CHCHD3: variants seen among roughly 807,000 people sequenced by gnomAD.
The protein encoded by CHCHD3 is coiled-coil-helix-coiled-coil-helix domain containing 3.
CHCHD3 carries 20 observed loss-of-function variants against 38.2 expected under a neutral mutation model. The observed-to-expected ratio is 0.52, with a 90% confidence interval of 0.37 to 0.76. The LOEUF is 0.76. Ranked by LOEUF, CHCHD3 falls within the 30% of genes least tolerant of loss-of-function variation. CHCHD3 has a pLI of 0.00. For missense variants in CHCHD3, 245 were observed against 279.2 expected (o/e 0.88, Z 0.87); for synonymous variants, 82 against 100.0 (o/e 0.82, Z 1.07).
rs953451991 is a variant in CHCHD3, at chr7:132,910,891, G to A, written c.370-25146C>T. Among the ~76,000 whole-genome samples the A allele has an allele frequency of 5.3e-5, 8 of 152,226 alleles. No individual in the cohort carries two copies. In the South Asian group the frequency reaches 8.3e-4, roughly 16 times the overall value. ...CACTACGTAAGCATTACCAATCAAC[G>A]GGAGCTGGCTGACAGTTTGCCACAG... On this transcript the variant is annotated intron_variant, in intron 4 of 7. Transcript: ENST00000262570.
At chr7:132,967,555 C>T (rs1309166539) in intron 4 of CHCHD3, among the ~76,000 whole-genome samples, 1 of 151,826 alleles carries the variant, frequency 6.6e-6, no homozygotes, top group Non-Finnish European at 1.5e-5. Context: ...CTTTGGGAGG[C>T]AAAGGAGGGA....
intron 3 of CHCHD3, among the ~76,000 whole-genome samples, chr7:132,983,885 T>C (rs573455700): frequency 3.9e-5 from 6 of 152,372 alleles, no homozygotes; most frequent in South Asian, 2.1e-4. Flanking sequence ...AATGCAGCTA[T>C]GCCAGCAGGT....
intron 3 of CHCHD3, among the ~76,000 whole-genome samples, chr7:133,003,188 A>T (rs186929409): frequency 6.6e-6 from 1 of 152,198 alleles, no homozygotes; most frequent in Non-Finnish European, 1.5e-5. Context: ...TTTCAGAGAC[A>T]ATGTGAAACA....
intron 3 of CHCHD3, 145 bp downstream of exon 3, chr7:133,024,401 G>A (rs1410667390): frequency 1.1e-5 from 8 of 697,944 alleles, no homozygotes; most frequent in South Asian, 1.8e-5. Context: ...ATCTAAAACC[G>A]AAAATGGCCA....
At chr7:132,879,608 G>A (rs745480242) in intron 5 of CHCHD3, among the ~76,000 whole-genome samples, 25 of 147,812 alleles carry the variant, frequency 1.7e-4, no homozygotes, top group Non-Finnish European at 2.5e-4. Context: ...CCTACCCCTC[G>A]CTTCCCTCCC....
rs541326587 is a variant in CHCHD3 at position 132,860,288 on chromosome 7, TATAG to T, written c.454-21823_454-21820del. 5.3e-3 allele frequency among the ~76,000 whole-genome samples: 686 copies of T among 129,532 alleles called. 4 individuals are homozygous for T. The highest frequency in any genetic ancestry group is 9.9e-3 in the Admixed American group (121 of 12,218). 85.0% of individuals were successfully genotyped at this position (129,532 alleles called of 152,430 possible). On this transcript the variant is annotated intron_variant, in intron 5 of 7. Coordinates refer to ENST00000262570, the MANE Select transcript of CHCHD3 (RefSeq NM_017812.4). Reference sequence around the variant, plus strand: ...TCTCAAAAATAAACAGATTTTTTTTTATAGATAGATAGATAGAGAGAGAGAGAAA... The same window carrying T: ...TCTCAAAAATAAACAGATTTTTTTTTATAGATAGATAGAGAGAGAGAGAAA...
intron 5 of CHCHD3, among the ~76,000 whole-genome samples, chr7:132,875,206 A>G (rs982114922): frequency 3.9e-5 from 6 of 152,196 alleles, no homozygotes; most frequent in Non-Finnish European, 7.3e-5. Flanking sequence ...CTCTAAGTGT[A>G]CGTAACTTCT....
intron 4 of CHCHD3, among the ~76,000 whole-genome samples, chr7:132,944,523 GA>G (rs1366665260): frequency 6.6e-6 from 1 of 150,664 alleles, no homozygotes; most frequent in Non-Finnish European, 1.5e-5. Context: ...TTAGTAATAT[GA>G]AAAAAATAGT....
chr7:133,039,669 CAAAT>C (rs1254830779), intron 2 of CHCHD3, among the ~76,000 whole-genome samples: 5 of 152,242 alleles, frequency 3.3e-5, no homozygotes, highest in African/African-American at 1.2e-4. Flanking sequence ...TTATAAATCT[CAAAT>C]AACACAGCAG....
chr7:133,041,662 T>G (rs575166356), intron 2 of CHCHD3, among the ~76,000 whole-genome samples: 1 of 152,332 alleles, frequency 6.6e-6, no homozygotes, highest in East Asian at 1.9e-4. Flanking sequence ...AGGTTTTCTT[T>G]TATTCAAAAT....
At chr7:132,983,719 CAGAGA>C (rs1424666790) in intron 3 of CHCHD3, among the ~76,000 whole-genome samples, 4 of 151,994 alleles carry the variant, frequency 2.6e-5, no homozygotes, top group African/African-American at 9.7e-5. Flanking sequence ...TCCCGAGAAG[CAGAGA>C]AAAGTCATGA....
chr7:132,917,504 T>G (rs377693557), intron 4 of CHCHD3, among the ~76,000 whole-genome samples: 4 of 152,204 alleles, frequency 2.6e-5, no homozygotes, highest in African/African-American at 9.7e-5. Context: ...CTCTAAACTC[T>G]TGTGGTTCAT....
chr7:132,787,525 G>T (rs1806349443), intron 7 of CHCHD3, among the ~76,000 whole-genome samples: 1 of 151,980 alleles, frequency 6.6e-6, no homozygotes. Context: ...GGAGGAGGAT[G>T]ACTTAAATTT....
intron 5 of CHCHD3, among the ~76,000 whole-genome samples, chr7:132,885,361 G>C (rs1287751664): frequency 2.6e-5 from 4 of 152,166 alleles, no homozygotes; most frequent in Non-Finnish European, 5.9e-5. Context: ...GGAGAGATAA[G>C]AGTAGCAGTG....
At chr7:132,945,596 CAT>C (rs1810878904) in intron 4 of CHCHD3, among the ~76,000 whole-genome samples, 1 of 151,854 alleles carries the variant, frequency 6.6e-6, no homozygotes, top group Non-Finnish European at 1.5e-5. Context: ...GAAGAAAACA[CAT>C]ATGAGAGTAA....
At position 132,854,089 on chromosome 7, in the gene CHCHD3, G is replaced by A. The variant is rs1447127143; in HGVS notation, c.454-15620C>T. Among the ~76,000 whole-genome samples the A allele has an allele frequency of 3.3e-5, 5 of 152,244 alleles. No homozygotes were observed. In the East Asian group the frequency reaches 9.7e-4, roughly 29 times the overall value. ...GTTCCCTCATCATTTGCTAGTAAGA[G>A]TATAAATTGGTACAATTTACGGCAA... is the stretch of plus-strand genomic sequence containing the variant. On this transcript the variant is annotated intron_variant, in intron 5 of 7. Coordinates refer to ENST00000262570, the MANE Select transcript of CHCHD3 (RefSeq NM_017812.4).
chr7:132,819,870 GA>G (rs1807300268), intron 6 of CHCHD3, among the ~76,000 whole-genome samples: 1 of 152,216 alleles, frequency 6.6e-6, no homozygotes, highest in Non-Finnish European at 1.5e-5. Context: ...GCCAAAGCGT[GA>G]GTGCGGAAGG....
At chr7:132,833,061 G>C (rs1807689089) in intron 6 of CHCHD3, among the ~76,000 whole-genome samples, 1 of 152,106 alleles carries the variant, frequency 6.6e-6, no homozygotes, top group Non-Finnish European at 1.5e-5. Context: ...CTTTGTGCTA[G>C]GTCTGTGTTA....
intron 2 of CHCHD3, among the ~76,000 whole-genome samples, chr7:133,050,116 G>A (rs1814110190): frequency 6.6e-6 from 1 of 152,062 alleles, no homozygotes; most frequent in Admixed American, 6.6e-5. Context: ...GGAGGCTGAG[G>A]CGGGAGGATC....
Sources: allele counts gnomAD v4.1 joint callset (sites outside exome capture counted in the v4.1 genomes callset), GRCh38; gene constraint gnomAD v4.1.1; transcripts MANE v1.5; gene names NCBI Gene and HGNC (gene_info 2026-07-23, HGNC 2026-07-21).